The following ABCG1 variants were observed in gnomAD, a reference collection of about 807,000 sequenced individuals.
ABCG1 encodes the protein ATP binding cassette subfamily G member 1, also known as ATP-binding cassette sub-family G member 1.
A neutral mutation model predicts 69.2 loss-of-function variants in ABCG1; 29 were observed. That is an observed-to-expected ratio of 0.42 (90% CI 0.31 to 0.57). The LOEUF is 0.57. ABCG1 is among the 20% of genes least tolerant of loss of function. ABCG1 has a pLI of 0.15. For synonymous variants in ABCG1, 370 were observed against 374.8 expected, an observed-to-expected ratio of 0.99 and a Z score of 0.15; for missense variants, 718 against 898.1, an observed-to-expected ratio of 0.80 and a Z score of 2.56.
chr21:42,210,129 CA>C (rs2067574993), intron 2 of ABCG1, among the ~76,000 whole-genome samples: 1 of 152,158 alleles, frequency 6.6e-6, no homozygotes, highest in African/African-American at 2.4e-5. Context: ...ACATCAATGC[CA>C]AAAGGGAACA....
chr21:42,235,188 A>C lies in ABCG1; in HGVS notation c.286+9274A>C, dbSNP rs1277673497. ...GTCGCCAGTGTGGACCTGAGGGTGG[A>C]GGTGTTGCCACCCGGGGCGGCCTGC... On this transcript the variant is annotated intron_variant, in intron 2 of 14. Transcript: ENST00000398449. Among the ~76,000 whole-genome samples the C allele has an allele frequency of 2.0e-5, 3 of 152,230 alleles. No individual in the cohort carries two copies. In the East Asian group the frequency reaches 5.8e-4, roughly 29 times the overall value.
At chr21:42,241,667 ACTGT>A (rs888188943) in intron 2 of ABCG1, among the ~76,000 whole-genome samples, 5 of 151,574 alleles carry the variant, frequency 3.3e-5, no homozygotes, top group Admixed American at 3.3e-4. Flanking sequence ...ATAATTTTAT[ACTGT>A]TTCCTAAGGG....
intron 8 of ABCG1, 114 bp downstream of exon 8, chr21:42,286,108 CAA>C: frequency 1.4e-6 from 1 of 731,062 alleles, no homozygotes; most frequent in Non-Finnish European, 2.4e-6. Flanking sequence ...ACAAATAGCT[CAA>C]GTGTCATCCA....
intron 13 of ABCG1, among the ~76,000 whole-genome samples, chr21:42,293,357 C>G (rs2069125668): frequency 6.8e-6 from 1 of 147,186 alleles, no homozygotes; most frequent in Non-Finnish European, 1.5e-5. Context: ...CCACCACACA[C>G]TACACACACA....
chr21:42,259,549 C>T (rs2068369347), intron 2 of ABCG1: 1 of 1,521,760 alleles, frequency 6.6e-7, no homozygotes, highest in Non-Finnish European at 8.8e-7. Flanking sequence ...CATGTGGGCC[C>T]TCAGGCTATG....
At chr21:42,267,627 G>C (rs1422294276) in intron 2 of ABCG1, among the ~76,000 whole-genome samples, 2 of 150,402 alleles carry the variant, frequency 1.3e-5, no homozygotes, top group African/African-American at 4.9e-5. Context: ...TCTGGGTTCT[G>C]TCTGGGTGTG....
intron 2 of ABCG1, chr21:42,259,284 T>C (rs1199354265): frequency 6.6e-7 from 1 of 1,522,590 alleles, no homozygotes; most frequent in Non-Finnish European, 8.8e-7. Context: ...GTGCTCTGCC[T>C]GAGTTTGTAA....
chr21:42,210,988 C>T (rs1237763826), intron 2 of ABCG1, among the ~76,000 whole-genome samples: 2 of 139,866 alleles, frequency 1.4e-5, no homozygotes, highest in Admixed American at 1.4e-4. Context: ...GAGACCAAGT[C>T]TCCCTCTGTT....
chr21:42,229,406 G>C (rs2067868298), intron 2 of ABCG1, among the ~76,000 whole-genome samples: 1 of 152,244 alleles, frequency 6.6e-6, no homozygotes, highest in Non-Finnish European at 1.5e-5. Context: ...CCGAAGGTAA[G>C]AAGTGAAGCA....
intron 2 of ABCG1, among the ~76,000 whole-genome samples, chr21:42,269,846 C>T (rs535605349): frequency 7.2e-5 from 11 of 152,314 alleles, no homozygotes; most frequent in African/African-American, 2.4e-4. Flanking sequence ...GTCTAAAACA[C>T]GGGACTGGGC....
chr21:42,222,101 G>C (rs1465930908), intron 1 of ABCG1, among the ~76,000 whole-genome samples: 1 of 152,198 alleles, frequency 6.6e-6, no homozygotes, highest in Non-Finnish European at 1.5e-5. Context: ...CCCGGTGCGG[G>C]GGTGGGGGAA....
At chr21:42,285,367 G>A (rs543607209) in intron 7 of ABCG1, among the ~76,000 whole-genome samples, 2 of 152,138 alleles carry the variant, frequency 1.3e-5, no homozygotes, top group East Asian at 3.9e-4. Flanking sequence ...TTATCCCGGT[G>A]TGGTGGCACA....
intron 2 of ABCG1, among the ~76,000 whole-genome samples, chr21:42,233,204 C>T (rs2067926298): frequency 6.6e-6 from 1 of 152,176 alleles, no homozygotes; most frequent in African/African-American, 2.4e-5. Flanking sequence ...CTGTTTGTCA[C>T]CTCCGTGCTC....
chr21:42,250,949 G>T (rs1233296893), intron 2 of ABCG1, among the ~76,000 whole-genome samples: 1 of 152,144 alleles, frequency 6.6e-6, no homozygotes, highest in East Asian at 1.9e-4. Context: ...GCACTAAGTG[G>T]TATTGCTGGC....
chr21:42,214,131 A>G (rs2067615534), upstream of ABCG1, among the ~76,000 whole-genome samples: 2 of 152,202 alleles, frequency 1.3e-5, no homozygotes, highest in Admixed American at 1.3e-4. Flanking sequence ...ATTTGTTGGG[A>G]CTTAATGCTC....
At chr21:42,228,584 G>A (rs1418886595) in intron 2 of ABCG1, among the ~76,000 whole-genome samples, 1 of 152,246 alleles carries the variant, frequency 6.6e-6, no homozygotes, top group Admixed American at 6.5e-5. Context: ...CTTGAAAGGG[G>A]CAGGGCTGGG....
chr21:42,282,896 G>A (rs2068839247), intron 6 of ABCG1, among the ~76,000 whole-genome samples: 1 of 151,832 alleles, frequency 6.6e-6, no homozygotes, highest in African/African-American at 2.4e-5. Context: ...CTGCAGGACA[G>A]GATCCTGCCT....
chr21:42,284,334 C>T (rs764744110), intron 6 of ABCG1, among the ~76,000 whole-genome samples: 6 of 152,326 alleles, frequency 3.9e-5, no homozygotes, highest in Middle Eastern at 3.4e-3. Context: ...GGGGTCCCTC[C>T]GTTCTTACCA....
intron 2 of ABCG1, among the ~76,000 whole-genome samples, chr21:42,245,781 A>G (rs997712879): frequency 6.6e-6 from 1 of 152,244 alleles, no homozygotes; most frequent in Non-Finnish European, 1.5e-5. Context: ...TCATCTGCAC[A>G]TCTAAGCATC....
Sources: gnomAD v4.1 joint callset for allele counts (sites outside exome capture counted in the v4.1 genomes callset) on GRCh38, gnomAD v4.1.1 for gene constraint, MANE v1.5 for transcripts, NCBI Gene and HGNC (gene_info 2026-07-23, HGNC 2026-07-21) for gene names.